The following INPP5A variants were observed in gnomAD, a reference collection of about 807,000 sequenced individuals.
INPP5A encodes 43 kDa inositol polyphosphate 5-phophatase.
A neutral mutation model predicts 65.2 loss-of-function variants in INPP5A; 14 were observed. The observed-to-expected ratio is 0.21, with a 90% CI of 0.14 to 0.34. The LOEUF (loss-of-function observed/expected upper bound fraction) is 0.34, where lower values mean the gene tolerates loss of function less well. Ranked by LOEUF, INPP5A falls within the 10% of genes least tolerant of loss-of-function variation. INPP5A has a pLI of 1.00. For missense variants in INPP5A, 431 were observed against 545.6 expected (o/e 0.79, Z 2.09); for synonymous variants, 207 against 208.3 (o/e 0.99, Z 0.05).
In INPP5A at chr10:132,741,803, G is replaced by A. The variant is rs758214980; in HGVS notation, c.733-7714G>A. Among the ~76,000 whole-genome samples, 17 of 150,806 alleles carry A rather than the reference G, an allele frequency of 1.1e-4. No individual in the cohort carries two copies. The highest frequency in any genetic ancestry group is 2.2e-4 in the Non-Finnish European group (15 of 67,742). On this transcript the variant is annotated intron_variant, in intron 9 of 15. Transcript: ENST00000368594. The surrounding 1 kb of genome is among the most constrained non-coding windows in gnomAD (Gnocchi z 4.4). ...CGTCCGCTTGCTTTACTCAATAGCC[G>A]ACGTAAACTGAGGTGGACGTTGGCG...
intron 4 of INPP5A, among the ~76,000 whole-genome samples, chr10:132,689,027 A>C (rs973395434): frequency 6.7e-6 from 1 of 150,298 alleles, no homozygotes; most frequent in Non-Finnish European, 1.5e-5. Context: ...GTGAGTGCAT[A>C]TATGTGTTAA....
At chr10:132,736,887 C>T (rs1763125517) in intron 9 of INPP5A, among the ~76,000 whole-genome samples, 1 of 152,266 alleles carries the variant, frequency 6.6e-6, no homozygotes, top group African/African-American at 2.4e-5. Context: ...AAGTTGTGAC[C>T]TCATCTGGTT....
chr10:132,745,612 C>T (rs1043107864), intron 9 of INPP5A, among the ~76,000 whole-genome samples: 7 of 149,042 alleles, frequency 4.7e-5, no homozygotes, highest in Non-Finnish European at 1.0e-4. Context: ...CACAGTGTGT[C>T]AGACCCTGGG....
intron 4 of INPP5A, among the ~76,000 whole-genome samples, chr10:132,665,074 G>GC (rs1201639048): frequency 6.6e-6 from 1 of 152,204 alleles, no homozygotes; most frequent in Non-Finnish European, 1.5e-5. Context: ...TCAAGGCCAA[G>GC]CCCTGTTGTG....
At chr10:132,652,872 G>A (rs2072596067) in intron 4 of INPP5A, among the ~76,000 whole-genome samples, 1 of 152,204 alleles carries the variant, frequency 6.6e-6, no homozygotes, top group African/African-American at 2.4e-5. Flanking sequence ...GGACATAGCG[G>A]TCGTGAACGT....
intron 4 of INPP5A, among the ~76,000 whole-genome samples, chr10:132,680,301 C>T (rs567381997): frequency 1.1e-3 from 160 of 152,354 alleles, no homozygotes; most frequent in African/African-American, 3.7e-3. Flanking sequence ...TTTGAATAGG[C>T]GTCTTCCCTC....
chr10:132,658,230 G>C (rs1300729916), intron 4 of INPP5A, among the ~76,000 whole-genome samples: 2 of 152,176 alleles, frequency 1.3e-5, no homozygotes, highest in Non-Finnish European at 1.5e-5. Flanking sequence ...CAGGGTTCTT[G>C]ATCTGTTTTT....
At chr10:132,569,163 A>T (rs1378414029) in intron 1 of INPP5A, among the ~76,000 whole-genome samples, 1 of 151,992 alleles carries the variant, frequency 6.6e-6, no homozygotes, top group East Asian at 1.9e-4. Context: ...TTAAACATTG[A>T]GCATCTGATT....
chr10:132,724,192 A>G (rs1035218445), intron 8 of INPP5A, among the ~76,000 whole-genome samples: 3 of 152,228 alleles, frequency 2.0e-5, no homozygotes, highest in African/African-American at 7.2e-5. Flanking sequence ...GCAGAAAAGA[A>G]TAGATTGTCT....
Position 132,545,984 on chromosome 10 carries a change from C to T in INPP5A, c.75+7813C>T, listed in dbSNP as rs928122104. ...CTAATGTTCATGGTGTGTTTGGAGA[C>T]GTGGAAGTGGCTCTGGAGGAGCGTC... On this transcript the variant is annotated intron_variant, in intron 1 of 15. Transcript: ENST00000368594. The surrounding 1 kb of genome is among the most constrained non-coding windows in gnomAD (Gnocchi z 4.6). Among the ~76,000 whole-genome samples, 1 of 152,216 alleles carries T rather than the reference C, an allele frequency of 6.6e-6. No homozygotes were observed. Among genetic ancestry groups the T allele is most frequent in the African/African-American group, 2.4e-5 (1 of 41,448 alleles).
intron 9 of INPP5A, among the ~76,000 whole-genome samples, chr10:132,748,334 G>A (rs993479904): frequency 2.0e-5 from 3 of 152,196 alleles, no homozygotes; most frequent in African/African-American, 4.8e-5. Flanking sequence ...CAGAAACGCC[G>A]GTGCCTCTGC....
chr10:132,642,421 G>A (rs1458792330), intron 2 of INPP5A, among the ~76,000 whole-genome samples: 2 of 152,218 alleles, frequency 1.3e-5, no homozygotes, highest in African/African-American at 2.4e-5. Flanking sequence ...GGCCCCTGAT[G>A]TGGTGGCTAT....
chr10:132,633,907 A>T (rs1223547857), intron 2 of INPP5A, among the ~76,000 whole-genome samples: 1 of 152,262 alleles, frequency 6.6e-6, no homozygotes, highest in Non-Finnish European at 1.5e-5. Context: ...ACCCACGCTC[A>T]GCTGTGAAGC....
At chr10:132,596,787 G>T (rs1250609047) in intron 1 of INPP5A, among the ~76,000 whole-genome samples, 1 of 151,918 alleles carries the variant, frequency 6.6e-6, no homozygotes, top group Non-Finnish European at 1.5e-5. Flanking sequence ...TTGTGTGCAG[G>T]CTCCTGTACA....
At position 132,546,085 on chromosome 10, in the gene INPP5A, CCT is replaced by C. The variant is rs1216719991; in HGVS notation, c.75+7915_75+7916del. Reference sequence around the variant, plus strand: ...GAGTGGCCGAGGCGTCTGGGGACGTCCTGGAGCCTGCAGCCCTTGGCCGTGTC... The same window carrying C: ...GAGTGGCCGAGGCGTCTGGGGACGTCGGAGCCTGCAGCCCTTGGCCGTGTC... On this transcript the variant is annotated intron_variant, in intron 1 of 15. Coordinates refer to ENST00000368594, the MANE Select transcript of INPP5A (RefSeq NM_005539.5). This position sits in a 1 kb window ranked among gnomAD's most constrained non-coding sequence, Gnocchi z 5.7. Among the ~76,000 whole-genome samples the C allele has an allele frequency of 2.0e-5, 3 of 152,206 alleles. No homozygotes were observed. The highest frequency in any genetic ancestry group is 4.4e-5 in the Non-Finnish European group (3 of 68,034).
chr10:132,686,376 T>A (rs1028839507), intron 4 of INPP5A, among the ~76,000 whole-genome samples: 1 of 152,258 alleles, frequency 6.6e-6, no homozygotes, highest in Non-Finnish European at 1.5e-5. Context: ...TAAAAAGTAT[T>A]TTGTTTTTAG....
intron 1 of INPP5A, among the ~76,000 whole-genome samples, chr10:132,581,761 C>T (rs2071487211): frequency 6.6e-6 from 1 of 151,936 alleles, no homozygotes; most frequent in Non-Finnish European, 1.5e-5. Flanking sequence ...TGCAGGGGGC[C>T]TTTATGTACT....
rs1387229472 is a variant in INPP5A at position 132,587,406 on chromosome 10, G to A, written c.76-20509G>A. Among the ~76,000 whole-genome samples the A allele has an allele frequency of 1.3e-5, 2 of 152,212 alleles. No individual in the cohort carries two copies. The highest frequency in any genetic ancestry group is 4.8e-5 in the African/African-American group (2 of 41,462). On this transcript the variant is annotated intron_variant, in intron 1 of 15. Transcript: ENST00000368594. This position sits in a 1 kb window ranked among gnomAD's most constrained non-coding sequence, Gnocchi z 4.3. ...GCCAGCACAGCCCATGGTGTGCTCTGTGGGGCTGGCAGGGATCCTGGCATG... is the reference window on the plus strand; with the variant it reads ...GCCAGCACAGCCCATGGTGTGCTCTATGGGGCTGGCAGGGATCCTGGCATG...
intron 1 of INPP5A, among the ~76,000 whole-genome samples, chr10:132,566,782 C>T (rs574783934): frequency 5.9e-5 from 9 of 152,248 alleles, no homozygotes; most frequent in African/African-American, 2.2e-4. Context: ...CAAGACACCC[C>T]ATGTAACCAC....
Sources: allele counts gnomAD v4.1 joint callset (sites outside exome capture counted in the v4.1 genomes callset), GRCh38; gene constraint gnomAD v4.1.1; non-coding constraint Gnocchi (gnomAD v3.1); transcripts MANE v1.5; gene names NCBI Gene and HGNC (gene_info 2026-07-23, HGNC 2026-07-21).